The following PROM2 variants were observed in gnomAD, a reference collection of about 807,000 sequenced individuals.
PROM2 encodes prominin-2.
In PROM2, 90 loss-of-function variants were observed where a neutral mutation model predicts 110.2. The ratio of observed to expected loss-of-function variants is 0.82; its 90% CI spans 0.69 to 0.97. The LOEUF is 0.97. PROM2 is among the 50% of genes least tolerant of loss of function. PROM2 has a pLI of 0.00. For missense variants in PROM2, 1,009 were observed against 1,074.8 expected (o/e 0.94, Z 0.86); for synonymous variants, 470 against 467.8 (o/e 1.00, Z -0.06).
chr2:95,289,073 T>TGGGGGG, intron 23 of PROM2, 67 bp downstream of exon 23: 1 of 693,712 alleles, frequency 1.4e-6, no homozygotes, highest in Non-Finnish European at 2.5e-6. Context: ...GGGGAGGGGC[T>TGGGGGG]GGGGTCTGGG....
chr2:95,276,187 T>C lies in PROM2; in HGVS notation c.498-40T>C. On this transcript the variant is annotated intron_variant, in intron 3 of 23. Coordinates refer to ENST00000317620, the MANE Select transcript of PROM2 (RefSeq NM_001165978.3). This position sits in a 1 kb window ranked among gnomAD's most constrained non-coding sequence, Gnocchi z 4.6. The stretch of plus-strand genomic sequence containing the variant: ...CGGGCTGTGGCCCCCAGGCTCCCTC[T>C]TACCCAGCAAGCACCTTCCTCCTCC... 6.2e-7 allele frequency: 1 copy of C among 1,613,428 alleles called. No individual in the cohort carries two copies. The highest frequency in any genetic ancestry group is 1.3e-5 in the African/African-American group (1 of 75,030).
chr2:95,283,458 C>T (rs997215195), intron 14 of PROM2, among the ~76,000 whole-genome samples: 1 of 152,256 alleles, frequency 6.6e-6, no homozygotes, highest in African/African-American at 2.4e-5. Flanking sequence ...CAGGGCTTTC[C>T]AGAGCACGGG....
rs138097070 is a variant in PROM2, at chr2:95,287,659, G to A, written c.2244+195G>A. ...CTGTCCACCCCACCTCTGCTGCAGC[G>A]CTTCCCTGAGCTGAGTGTGAGCAGG... On this transcript the variant is annotated intron_variant, in intron 20 of 23. Coordinates refer to ENST00000317620, the MANE Select transcript of PROM2 (RefSeq NM_001165978.3). 3.0e-3 allele frequency among the ~76,000 whole-genome samples: 455 copies of A among 152,272 alleles called. 4 individuals are homozygous for A. The highest frequency in any genetic ancestry group is 0.01 in the African/African-American group (434 of 41,548).
rs1388906535 is a variant in PROM2 at position 95,282,015 on chromosome 2, C to T, written c.1642C>T (p.Gln548Ter). ...RKNISIHQAY[Q>*]QCKEGAALWT... ...GAACATCAGCATCCACCAAGCCTAT[C>T]AGTGAGTGGACAGCCTGGGCAGAGC... Residue 548 changes from glutamine to a stop codon, truncating the protein, a stop_gained and splice_region_variant, in exon 13 of 24, where the codon CAG becomes TAG. Coordinates refer to ENST00000317620, the MANE Select transcript of PROM2 (RefSeq NM_001165978.3). LOFTEE classifies it high-confidence loss of function. 3.7e-6 allele frequency: 6 copies of T among 1,613,900 alleles called. No individual in the cohort carries two copies. Among genetic ancestry groups the T allele is most frequent in the Non-Finnish European group, 5.1e-6 (6 of 1,179,890 alleles).
Position 95,276,422 on chromosome 2 carries a change from C to T in PROM2, c.618+75C>T, listed in dbSNP as rs1676665760. On this transcript the variant is annotated intron_variant, in intron 4 of 23. Coordinates refer to ENST00000317620, the MANE Select transcript of PROM2 (RefSeq NM_001165978.3). The surrounding 1 kb of genome is among the most constrained non-coding windows in gnomAD (Gnocchi z 4.6). Reference sequence around the variant, plus strand: ...CGGGCAGGACAGAGCCGAGTGGGCCCTCGATGGCCCATAACCAGCGCATCT... The same window carrying T: ...CGGGCAGGACAGAGCCGAGTGGGCCTTCGATGGCCCATAACCAGCGCATCT... 1 of 1,594,410 alleles carries T rather than the reference C, an allele frequency of 6.3e-7. No homozygotes were observed. Among genetic ancestry groups the T allele is most frequent in the Non-Finnish European group, 8.6e-7 (1 of 1,168,152 alleles).
chr2:95,288,276 G>C lies in PROM2; in HGVS notation c.2310G>C (p.Leu770=). 2 of 1,614,124 alleles carry C rather than the reference G, an allele frequency of 1.2e-6. No individual in the cohort carries two copies. Among genetic ancestry groups the C allele is most frequent in the Non-Finnish European group, 1.7e-6 (2 of 1,180,024 alleles). ...SGALDNSRVI[L]CDMMADPWNA... ...CCCTGGACAACAGCCGTGTGATCCT[G>C]TGTGACATGATGGCTGACCCCTGGG... is the stretch of plus-strand genomic sequence containing the variant. Residue 770 remains leucine, a synonymous_variant, in exon 21 of 24, where the codon CTG becomes CTC. Coordinates refer to ENST00000317620, the MANE Select transcript of PROM2 (RefSeq NM_001165978.3).
chr2:95,285,926 T>C (rs1677332532), intron 16 of PROM2, among the ~76,000 whole-genome samples: 1 of 152,248 alleles, frequency 6.6e-6, no homozygotes, highest in Non-Finnish European at 1.5e-5. Context: ...GGGCAAGACA[T>C]GCAGCATCTC....
At chr2:95,279,185 G>A (rs1676873844) in intron 10 of PROM2, 41 bp downstream of exon 10, 2 of 388,254 alleles carry the variant, frequency 5.2e-6, no homozygotes, top group Non-Finnish European at 1.0e-5. Context: ...GGGTGGGGTG[G>A]GCAGCCCAGC....
intron 17 of PROM2, 79 bp from the exon 18 acceptor site, chr2:95,286,705 TCTCCCCTCCCCTCCCCTCCA>T: frequency 8.6e-6 from 3 of 350,162 alleles, no homozygotes; most frequent in Non-Finnish European, 1.1e-5. Flanking sequence ...TCTCCCCTCC[TCTCCCCTCCCCTCCCCTCCA>T]CTCCCCTCCA....
intron 15 of PROM2, among the ~76,000 whole-genome samples, chr2:95,285,415 A>G (rs1417344096): frequency 2.6e-5 from 4 of 152,206 alleles, no homozygotes; most frequent in Non-Finnish European, 4.4e-5. Flanking sequence ...CCTTAGTTAC[A>G]CCAGAGGGTG....
Position 95,288,820 on chromosome 2 carries a change from C to T in PROM2, c.2442-113C>T, listed in dbSNP as rs1436148714. ...GGGCGCAGCTTCGTGGGACCCTTCC[C>T]ATCCCCCACAGGGCTTCCGAGGAGA... On this transcript the variant is annotated intron_variant, in intron 22 of 23. Coordinates refer to ENST00000317620, the MANE Select transcript of PROM2 (RefSeq NM_001165978.3). The T allele has an allele frequency of 3.6e-6, 4 of 1,121,406 alleles. No individual in the cohort carries two copies. The South Asian group carries it at 5.1e-5, about 14-fold the overall frequency. 69.5% of individuals were successfully genotyped at this position (1,121,406 alleles called of 1,614,324 possible).
At chr2:95,282,328 T>C in intron 14 of PROM2, 102 bp downstream of exon 14, 1 of 979,826 alleles carries the variant, frequency 1.0e-6, no homozygotes, top group Non-Finnish European at 1.6e-6. Context: ...CTAGGAGACC[T>C]GAGAAGTCTG....
intron 10 of PROM2, among the ~76,000 whole-genome samples, chr2:95,279,442 G>A (rs184345952): frequency 1.3e-3 from 196 of 152,010 alleles, no homozygotes; most frequent in African/African-American, 4.6e-3. Flanking sequence ...GACTACAGGC[G>A]TGCGCCACCA....
At chr2:95,285,321 C>A (rs1333714855) in intron 15 of PROM2, among the ~76,000 whole-genome samples, 1 of 152,226 alleles carries the variant, frequency 6.6e-6, no homozygotes, top group Non-Finnish European at 1.5e-5. Context: ...GAATGGACAA[C>A]CTCTCCCCCA....
At position 95,275,659 on chromosome 2, in the gene PROM2, T is replaced by A; in HGVS notation, c.294+149T>A. Reference sequence around the variant, plus strand: ...ATCCTCTCCCCTCCTCTGTGGGCGCTGCAGTCCGTAGACCTGGGTGCAAAC... The same window carrying A: ...ATCCTCTCCCCTCCTCTGTGGGCGCAGCAGTCCGTAGACCTGGGTGCAAAC... On this transcript the variant is annotated intron_variant, in intron 2 of 23. Coordinates refer to ENST00000317620, the MANE Select transcript of PROM2 (RefSeq NM_001165978.3). This position sits in a 1 kb window ranked among gnomAD's most constrained non-coding sequence, Gnocchi z 4.4. 1 of 1,356,906 alleles carries A rather than the reference T, an allele frequency of 7.4e-7. No individual in the cohort carries two copies. The highest frequency in any genetic ancestry group is 1.4e-5 in the South Asian group (1 of 69,012). 84.1% of individuals were successfully genotyped at this position (1,356,906 alleles called of 1,614,324 possible).
chr2:95,283,814 C>CAT (rs1677187975), intron 14 of PROM2, among the ~76,000 whole-genome samples: 1 of 152,222 alleles, frequency 6.6e-6, no homozygotes, highest in Non-Finnish European at 1.5e-5. Context: ...TTCATTCACA[C>CAT]AGCTAACAAA....
chr2:95,284,937 G>A (rs750996273), intron 14 of PROM2, 32 bp from the exon 15 acceptor site: 3 of 1,597,926 alleles, frequency 1.9e-6, no homozygotes, highest in Non-Finnish European at 2.6e-6. Context: ...CAGCAACTGG[G>A]CATGACTCCC....
At chr2:95,285,140 G>A in intron 15 of PROM2, 25 bp downstream of exon 15, 1 of 1,524,496 alleles carries the variant, frequency 6.6e-7, no homozygotes, top group South Asian at 1.2e-5. Context: ...CCTCAGCAGG[G>A]CTTCCTCAGC....
At chr2:95,283,569 T>C (rs1677169125) in intron 14 of PROM2, among the ~76,000 whole-genome samples, 1 of 151,996 alleles carries the variant, frequency 6.6e-6, no homozygotes, top group African/African-American at 2.4e-5. Flanking sequence ...CCTTTTCTCC[T>C]CCAGGAGAAG....
Sources: allele counts gnomAD v4.1 joint callset (sites outside exome capture counted in the v4.1 genomes callset), GRCh38; gene constraint gnomAD v4.1.1; non-coding constraint Gnocchi (gnomAD v3.1); transcripts MANE v1.5; gene names NCBI Gene and HGNC (gene_info 2026-07-23, HGNC 2026-07-21).